The following MECOM variants were observed in gnomAD, a reference collection of about 807,000 sequenced individuals.
The protein encoded by MECOM is MDS1 and EVI1 complex locus, also known as histone-lysine N-methyltransferase MECOM.
In MECOM, 13 loss-of-function variants were observed where a neutral mutation model predicts 116.3. That is an observed-to-expected ratio of 0.11 (90% confidence interval 0.07 to 0.18). The LOEUF (loss-of-function observed/expected upper bound fraction) is 0.18. MECOM is among the 10% of genes least tolerant of loss of function. The pLI is 1.00. For synonymous variants in MECOM, 528 were observed against 535.2 expected (o/e 0.99, Z 0.19); for missense variants, 1,299 against 1,509.0 (o/e 0.86, Z 2.31).
At chr3:169,088,950 C>A in intron 16 of MECOM, 50 bp downstream of exon 16, 2 of 1,341,238 alleles carry the variant, frequency 1.5e-6, no homozygotes, top group South Asian at 4.1e-5. Context: ...AGGAAATGTA[C>A]GTTTCATGCA....
intron 2 of MECOM, among the ~76,000 whole-genome samples, chr3:169,188,153 TC>T (rs1747016692): frequency 6.6e-6 from 1 of 152,074 alleles, no homozygotes; most frequent in Non-Finnish European, 1.5e-5. Context: ...TGCAATTCTC[TC>T]TCAATACCTG....
At chr3:169,336,038 T>G (rs1577756554) in intron 2 of MECOM, among the ~76,000 whole-genome samples, 1 of 152,176 alleles carries the variant, frequency 6.6e-6, no homozygotes, top group South Asian at 2.1e-4. Context: ...TTTGGTTTTG[T>G]TAGATATCAA....
intron 1 of MECOM, among the ~76,000 whole-genome samples, chr3:169,550,637 T>C (rs1761259123): frequency 6.6e-6 from 1 of 152,190 alleles, no homozygotes; most frequent in African/African-American, 2.4e-5. Flanking sequence ...CAAAGTTTGT[T>C]TCTTCAACTA....
chr3:169,566,436 A>T (rs1175148321), intron 1 of MECOM, among the ~76,000 whole-genome samples: 1 of 152,192 alleles, frequency 6.6e-6, no homozygotes, highest in African/African-American at 2.4e-5. Context: ...TGCTCTGCAG[A>T]TCAGGCTGGT....
chr3:169,386,770 G>A (rs1733392325), intron 1 of MECOM, among the ~76,000 whole-genome samples: 1 of 151,892 alleles, frequency 6.6e-6, no homozygotes, highest in Non-Finnish European at 1.5e-5. Flanking sequence ...AAACTTAGTG[G>A]GTATTGACAG....
At chr3:169,340,757 A>G (rs948165810) in intron 2 of MECOM, among the ~76,000 whole-genome samples, 11 of 152,206 alleles carry the variant, frequency 7.2e-5, no homozygotes, top group African/African-American at 2.7e-4. Flanking sequence ...TATGATAATG[A>G]AAGTGTGTCA....
At chr3:169,257,675 G>T (rs1276597315) in intron 2 of MECOM, among the ~76,000 whole-genome samples, 1 of 152,138 alleles carries the variant, frequency 6.6e-6, no homozygotes, top group Non-Finnish European at 1.5e-5. Flanking sequence ...TGCTTCTCTA[G>T]AGAAAACTTG....
chr3:169,252,578 C>A (rs563003556), intron 2 of MECOM, among the ~76,000 whole-genome samples: 49 of 151,854 alleles, frequency 3.2e-4, no homozygotes, highest in Admixed American at 5.9e-4. Flanking sequence ...AATGTGACAT[C>A]TATTGAATTA....
chr3:169,501,074 C>T (rs982034759), intron 1 of MECOM, among the ~76,000 whole-genome samples: 4 of 151,978 alleles, frequency 2.6e-5, no homozygotes, highest in South Asian at 2.1e-4. Flanking sequence ...TCTCTGTTAA[C>T]GCCTGCATTA....
chr3:169,307,012 T>C (rs533125683), intron 2 of MECOM, among the ~76,000 whole-genome samples: 1 of 152,324 alleles, frequency 6.6e-6, no homozygotes, highest in East Asian at 1.9e-4. Flanking sequence ...ACATTTGGGA[T>C]TTAACAGCCA....
chr3:169,244,361 GGGAGCC>G, intron 2 of MECOM, among the ~76,000 whole-genome samples: 2 of 152,184 alleles, frequency 1.3e-5, no homozygotes, highest in Non-Finnish European at 2.9e-5. Flanking sequence ...GCACAAGTTT[GGGAGCC>G]GGAGCTACAG....
intron 1 of MECOM, among the ~76,000 whole-genome samples, chr3:169,535,893 G>C (rs754157272): frequency 2.6e-5 from 4 of 152,138 alleles, no homozygotes; most frequent in Non-Finnish European, 4.4e-5. Context: ...TGTCTAATAG[G>C]GTTGTTGTGA....
intron 3 of MECOM, chr3:169,134,086 C>CTACT: frequency 4.5e-6 from 2 of 443,974 alleles, no homozygotes; most frequent in Non-Finnish European, 7.8e-6. Flanking sequence ...TTGGGGAATA[C>CTACT]TACTTAGACA....
intron 1 of MECOM, among the ~76,000 whole-genome samples, chr3:169,578,742 G>A (rs148636061): frequency 7.9e-5 from 12 of 152,208 alleles, no homozygotes; most frequent in Admixed American, 3.9e-4. Context: ...TGTGGGGACC[G>A]CTGAATTAAT....
chr3:169,576,038 A>G (rs11925726), intron 1 of MECOM, among the ~76,000 whole-genome samples: 13,487 of 152,150 alleles, frequency 0.089, 1,453 homozygotes, highest in African/African-American at 0.26. Context: ...TCCACATTAG[A>G]TTTCTACAGT....
intron 1 of MECOM, among the ~76,000 whole-genome samples, chr3:169,471,215 C>T (rs1250372560): frequency 6.6e-6 from 1 of 152,136 alleles, no homozygotes; most frequent in Non-Finnish European, 1.5e-5. Flanking sequence ...TGGTCTCTAA[C>T]TCCTGGGCTC....
At chr3:169,399,194 C>G (rs1735480965) in intron 1 of MECOM, among the ~76,000 whole-genome samples, 1 of 152,148 alleles carries the variant, frequency 6.6e-6, no homozygotes, top group South Asian at 2.1e-4. Context: ...TGTAAATACA[C>G]TAGATGCTCA....
At chr3:169,278,900 C>T (rs1418216879) in intron 2 of MECOM, among the ~76,000 whole-genome samples, 7 of 152,174 alleles carry the variant, frequency 4.6e-5, no homozygotes, top group African/African-American at 1.7e-4. Flanking sequence ...TGTGGAGACA[C>T]TAAAAACATT....
At chr3:169,401,130 C>T (rs1735825169) in intron 1 of MECOM, among the ~76,000 whole-genome samples, 1 of 152,126 alleles carries the variant, frequency 6.6e-6, no homozygotes, top group Admixed American at 6.5e-5. Context: ...TGTTAAGTGC[C>T]GGGATCTGGG....
Sources: gnomAD v4.1 joint callset for allele counts (sites outside exome capture counted in the v4.1 genomes callset) on GRCh38, gnomAD v4.1.1 for gene constraint, MANE v1.5 for transcripts, NCBI Gene and HGNC (gene_info 2026-07-23, HGNC 2026-07-21) for gene names.